Variants in TTC16 observed in about 807,000 individuals in gnomAD.
TTC16 encodes the protein tetratricopeptide repeat domain 16, also known as tetratricopeptide repeat protein 16.
Under a neutral mutation model 80.4 loss-of-function variants are expected in TTC16, and 66 were observed. The observed-to-expected ratio is 0.82, with a 90% CI of 0.67 to 1.01. The LOEUF (loss-of-function observed/expected upper bound fraction) is 1.01, where lower values mean the gene tolerates loss of function less well. TTC16 is among the 50% of genes least tolerant of loss of function. The pLI is 0.00. For synonymous variants in TTC16, 438 were observed against 451.3 expected (o/e 0.97, Z 0.37); for missense variants, 1,070 against 1,103.2 (o/e 0.97, Z 0.43).
rs144516082 is a variant in TTC16 at position 127,724,347 on chromosome 9, T to G, written c.1100T>G (p.Leu367Arg). The stretch of plus-strand genomic sequence containing the variant: ...CGGGACGAGCAGCAGGAGAAAGGAC[T>G]CTACATCAACCGAGGCGGTGCGCAG... ...ALRDEQQEKG[L>R]YINRGDCFFQ... is the part of the protein sequence containing the mutation. Residue 367 changes from leucine to arginine, a missense_variant, in exon 8 of 14, where the codon CTC becomes CGC. Leu to Arg is a moderately radical substitution (Grantham distance 102, BLOSUM62 -2). Coordinates refer to ENST00000373289, the MANE Select transcript of TTC16 (RefSeq NM_144965.3). 1.3e-5 allele frequency: 21 copies of G among 1,609,474 alleles called. No homozygotes were observed. The highest frequency in any genetic ancestry group is 1.6e-4 in the Middle Eastern group (1 of 6,070).
intron 9 of TTC16, among the ~76,000 whole-genome samples, chr9:127,725,965 A>G (rs1309359440): frequency 1.3e-5 from 2 of 152,148 alleles, no homozygotes; most frequent in African/African-American, 4.8e-5. Context: ...AGTCAAATTA[A>G]TATATTCATT....
At chr9:127,724,992 C>T (rs992730895) in intron 9 of TTC16, 95 bp downstream of exon 9, 2 of 1,383,992 alleles carry the variant, frequency 1.4e-6, no homozygotes, top group Non-Finnish European at 1.9e-6. Flanking sequence ...AATCAAGCTG[C>T]TTCTCTCCTC....
chr9:127,724,552 C>T, intron 8 of TTC16, 188 bp downstream of exon 8: 1 of 1,085,664 alleles, frequency 9.2e-7, no homozygotes, highest in Non-Finnish European at 1.3e-6. Flanking sequence ...CTTAGACAAA[C>T]TGGCTCCAGA....
At chr9:127,717,851 C>T in intron 4 of TTC16, 79 bp downstream of exon 4, 1 of 1,516,930 alleles carries the variant, frequency 6.6e-7, no homozygotes, top group South Asian at 1.3e-5. Context: ...GGGCCCAGCT[C>T]TGTCTCCTTA....
At position 127,722,997 on chromosome 9, in the gene TTC16, A is replaced by C; in HGVS notation, c.658-122A>C. On this transcript the variant is annotated intron_variant, in intron 6 of 13. Coordinates refer to ENST00000373289, the MANE Select transcript of TTC16 (RefSeq NM_144965.3). This position sits in a 1 kb window ranked among gnomAD's most constrained non-coding sequence, Gnocchi z 4.2. ...AAAAAAAAAAAGCAGAAAGGGTGGA[A>C]CATGGAGGGATGTGAGGGGCACGGA... 1.1e-6 allele frequency: 1 copy of C among 897,206 alleles called. No individual in the cohort carries two copies. The highest frequency in any genetic ancestry group is 1.7e-6 in the Non-Finnish European group (1 of 592,920). 55.6% of individuals were successfully genotyped at this position (897,206 alleles called of 1,614,324 possible). A position where few individuals can be genotyped will look rare whatever the true frequency, so the allele number is the denominator to read the frequency against.
chr9:127,721,720 T>C (rs1238669131), intron 6 of TTC16, among the ~76,000 whole-genome samples: 1 of 152,006 alleles, frequency 6.6e-6, no homozygotes, highest in South Asian at 2.1e-4. Flanking sequence ...TTTGTTTTGT[T>C]TGAGACAGAG....
rs891222726 is a variant in TTC16 at position 127,717,287 on chromosome 9, G to T, written c.192-47G>T. On this transcript the variant is annotated intron_variant, in intron 2 of 13. Coordinates refer to ENST00000373289, the MANE Select transcript of TTC16 (RefSeq NM_144965.3). ...CACCCCAGCCCTATGCCCTGGGCTG[G>T]TCCACAGTCAGGGCCACCCCTCTGC... 20 of 1,586,008 alleles carry T rather than the reference G, an allele frequency of 1.3e-5. No individual in the cohort carries two copies. The African/African-American group carries it at 2.1e-4, about 17-fold the overall frequency.
chr9:127,723,249 T>G lies in TTC16; in HGVS notation c.788T>G (p.Val263Gly). ...QARQDAGILA[V>G]QGKLQHALQR... ...CGCCAAGATGCGGGGATCCTGGCTG[T>G]GCAGGGCAAGCTGCAGCACGCACTG... is the stretch of plus-strand genomic sequence containing the variant. The change falls in exon 7 of 14, where the codon GTG becomes GGG. Residue 263 changes from valine (V) to glycine (G), a missense_variant. Physicochemically the swap from Val to Gly is moderately radical, Grantham distance 109 (BLOSUM62 -3). Coordinates refer to ENST00000373289, the MANE Select transcript of TTC16 (RefSeq NM_144965.3). 1 of 1,612,926 alleles carries G rather than the reference T, an allele frequency of 6.2e-7. No homozygotes were observed. Among genetic ancestry groups the G allele is most frequent in the Non-Finnish European group, 8.5e-7 (1 of 1,180,034 alleles).
chr9:127,717,056 C>T (rs1176261988), intron 2 of TTC16, 40 bp downstream of exon 2: 11 of 1,603,144 alleles, frequency 6.9e-6, no homozygotes, highest in East Asian at 2.2e-5. Context: ...GGTTCCTGCC[C>T]GACACAGCCA....
chr9:127,727,450 G>T lies in TTC16; in HGVS notation c.1749G>T (p.Glu583Asp). ...AEAPEEEEEK[E>D]KEKKEEKKSE... ...CCCCTGAGGAGGAGGAAGAAAAGGA[G>T]AAGGAGAAAAAAGAGGTAAGTGGAG... is the stretch of plus-strand genomic sequence containing the variant. Residue 583 changes from glutamate to aspartate, a missense_variant, in exon 12 of 14, where the codon GAG (glutamate) becomes GAT (aspartate). Physicochemically the swap from Glu to Asp is conservative, Grantham distance 45. Transcript: ENST00000373289. 2 of 1,582,994 alleles carry T rather than the reference G, an allele frequency of 1.3e-6. No individual in the cohort carries two copies. Among genetic ancestry groups the T allele is most frequent in the South Asian group, 1.1e-5 (1 of 87,368 alleles).
At position 127,718,706 on chromosome 9, in the gene TTC16, C is replaced by T. The variant is rs1052540205; in HGVS notation, c.426+934C>T. ...TCCCGGGTTCAAATGATTCTTGTGC[C>T]TCAGCCTCCCAAGTAGCTAGGATTA... is the stretch of plus-strand genomic sequence containing the variant. On this transcript the variant is annotated intron_variant, in intron 4 of 13. Coordinates refer to ENST00000373289, the MANE Select transcript of TTC16 (RefSeq NM_144965.3). This position sits in a 1 kb window ranked among gnomAD's most constrained non-coding sequence, Gnocchi z 4.6. Among the ~76,000 whole-genome samples, 2 of 151,992 alleles carry T rather than the reference C, an allele frequency of 1.3e-5. No individual in the cohort carries two copies. The highest frequency in any genetic ancestry group is 2.4e-5 in the African/African-American group (1 of 41,404).
At chr9:127,730,608 A>T in intron 13 of TTC16, 28 bp from the exon 14 acceptor site, 2 of 1,605,202 alleles carry the variant, frequency 1.2e-6, no homozygotes, top group South Asian at 2.2e-5. Flanking sequence ...GGCAGGCCTG[A>T]TGGGTGCTTT....
At chr9:127,716,541 G>A (rs1009637178) in intron 1 of TTC16, 4 of 536,838 alleles carry the variant, frequency 7.5e-6, no homozygotes, top group African/African-American at 5.7e-5. Context: ...AAAGCTTGGG[G>A]TGTCAGTAGC....
At chr9:127,725,651 G>A (rs1182845818) in intron 9 of TTC16, among the ~76,000 whole-genome samples, 1 of 150,472 alleles carries the variant, frequency 6.6e-6, no homozygotes, top group Non-Finnish European at 1.5e-5. Flanking sequence ...CCAGACTGGA[G>A]TGTAATGGCG....
rs201375855 is a variant in TTC16, at chr9:127,724,796, G to T, written c.1158G>T (p.Ala386=). The T allele has an allele frequency of 6.7e-4, 1,078 of 1,610,516 alleles. 12 individuals carry two copies. Among genetic ancestry groups the T allele is most frequent in the Non-Finnish European group, 1.1e-4 (128 of 1,179,270 alleles). Residue 386 remains alanine, a synonymous_variant, in exon 9 of 14, where the codon GCG becomes GCT. Transcript: ENST00000373289. ...FQLGNLAFAE[A]DYQQALALSP... is the part of the protein sequence containing the mutation. ...TGGGCAACCTGGCCTTTGCCGAGGC[G>T]GACTACCAGCAGGCGCTGGCGCTGA...
intron 2 of TTC16, 38 bp downstream of exon 2, chr9:127,717,054 CCCGACA>C: frequency 6.2e-7 from 1 of 1,603,178 alleles, no homozygotes; most frequent in Non-Finnish European, 8.5e-7. Context: ...CAGGTTCCTG[CCCGACA>C]CAGCCATTCA....
Position 127,722,385 on chromosome 9 carries a change from C to T in TTC16, c.658-734C>T, listed in dbSNP as rs535574937. Among the ~76,000 whole-genome samples the T allele has an allele frequency of 6.6e-6, 1 of 152,256 alleles. No individual in the cohort carries two copies. The highest frequency in any genetic ancestry group is 1.5e-5 in the Non-Finnish European group (1 of 68,008). ...TTGCTGGGGGAGGTTTCCACTGTAC[C>T]CAGGCCCGAATCTGGGCTTGGGCAG... On this transcript the variant is annotated intron_variant, in intron 6 of 13. Coordinates refer to ENST00000373289, the MANE Select transcript of TTC16 (RefSeq NM_144965.3). The surrounding 1 kb of genome is among the most constrained non-coding windows in gnomAD (Gnocchi z 4.2).
rs935642386 is a variant in TTC16 at position 127,718,960 on chromosome 9, C to T, written c.427-1118C>T. 6.6e-6 allele frequency among the ~76,000 whole-genome samples: 1 copy of T among 151,616 alleles called. No individual in the cohort carries two copies. The highest frequency in any genetic ancestry group is 1.5e-5 in the Non-Finnish European group (1 of 67,886). On this transcript the variant is annotated intron_variant, in intron 4 of 13. Transcript: ENST00000373289. This position sits in a 1 kb window ranked among gnomAD's most constrained non-coding sequence, Gnocchi z 4.6. ...GGGCACGGTGGCTCACGCCTGTAAT[C>T]CCAGCACTTTGGGAGGCCGAGTTGG...
rs139507204 is a variant in TTC16, at chr9:127,731,328, G to A, written c.2545G>A (p.Glu849Lys). The change falls in exon 14 of 14, where the codon GAG (glutamate) becomes AAG (lysine). Residue 849 changes from glutamate to lysine, a missense_variant. Glu to Lys is a moderately conservative substitution (Grantham distance 56). Transcript: ENST00000373289. Reference sequence around the variant, plus strand: ...CATGAGCTCAACTTCCAGCAAGGCCGAGTCCACCTGGGGACCCAGCCCAAG... The same window carrying A: ...CATGAGCTCAACTTCCAGCAAGGCCAAGTCCACCTGGGGACCCAGCCCAAG... Reference protein sequence around the residue: ...QGMSSTSSKAESTWGPSPSLS... With the variant: ...QGMSSTSSKAKSTWGPSPSLS... 2.9e-5 allele frequency: 46 copies of A among 1,613,076 alleles called. No homozygotes were observed. The African/African-American group carries it at 4.0e-4, about 14-fold the overall frequency.
Sources: allele counts gnomAD v4.1 joint callset (sites outside exome capture counted in the v4.1 genomes callset), GRCh38; gene constraint gnomAD v4.1.1; non-coding constraint Gnocchi (gnomAD v3.1); transcripts MANE v1.5; gene names NCBI Gene and HGNC (gene_info 2026-07-23, HGNC 2026-07-21).